STPG2: variants seen among roughly 807,000 people sequenced by gnomAD.
The protein encoded by STPG2 is sperm tail PG-rich repeat containing 2.
In STPG2, 56 loss-of-function variants were observed where a neutral mutation model predicts 54.2. The observed-to-expected ratio is 1.03, with a 90% confidence interval of 0.83 to 1.29. STPG2 has a LOEUF of 1.29. Ranked by LOEUF, STPG2 falls within the 50% of genes most tolerant of loss-of-function variation. The probability of loss-of-function intolerance (pLI) is 0.00; values close to 1 mark genes in which losing one functional copy is unlikely to be tolerated. For missense variants in STPG2, 596 were observed against 544.9 expected (o/e 1.09, Z -0.93); for synonymous variants, 200 against 181.8 (o/e 1.10, Z -0.81).
chr4:97,631,344 G>C (rs1296157667), intron 10 of STPG2, among the ~76,000 whole-genome samples: 1 of 151,966 alleles, frequency 6.6e-6, no homozygotes, highest in Non-Finnish European at 1.5e-5. Context: ...CAGACACTTA[G>C]AATCATTTAC....
At chr4:98,028,934 T>C (rs2149298239) in intron 5 of STPG2, among the ~76,000 whole-genome samples, 1 of 152,288 alleles carries the variant, frequency 6.6e-6, no homozygotes, top group East Asian at 1.9e-4. Flanking sequence ...CATAATTTCC[T>C]CTTTCACCTA....
chr4:97,704,237 A>T (rs1723875384), intron 10 of STPG2, among the ~76,000 whole-genome samples: 1 of 152,194 alleles, frequency 6.6e-6, no homozygotes, highest in African/African-American at 2.4e-5. Context: ...ACACCATGAA[A>T]GAGTTTATGA....
At chr4:98,045,507 T>C (rs1481521923) in intron 5 of STPG2, among the ~76,000 whole-genome samples, 1 of 152,146 alleles carries the variant, frequency 6.6e-6, no homozygotes, top group Non-Finnish European at 1.5e-5. Context: ...ACAATTCCCT[T>C]TGGCATTTCT....
intron 9 of STPG2, among the ~76,000 whole-genome samples, chr4:97,832,718 A>G (rs1728506129): frequency 6.6e-6 from 1 of 152,154 alleles, no homozygotes; most frequent in Admixed American, 6.6e-5. Context: ...TACACCAATA[A>G]CAGACAAACA....
chr4:98,067,872 T>A (rs967797155), intron 5 of STPG2, among the ~76,000 whole-genome samples: 1 of 152,156 alleles, frequency 6.6e-6, no homozygotes, highest in African/African-American at 2.4e-5. Flanking sequence ...TTCTTAAGTC[T>A]CTGTAGTAAG....
chr4:97,441,309 T>A (rs57888035), intron 4 of STPG2: 1 of 151,944 alleles, frequency 6.6e-6, no homozygotes, highest in African/African-American at 2.4e-5. Flanking sequence ...TAGTACACGC[T>A]TAGAAAGAAT....
intron 10 of STPG2, among the ~76,000 whole-genome samples, chr4:97,624,339 CAT>C (rs1266641683): frequency 6.6e-6 from 1 of 151,944 alleles, no homozygotes; most frequent in East Asian, 1.9e-4. Flanking sequence ...ATTCTGATCT[CAT>C]TGTGGTTTTT....
intron 9 of STPG2, among the ~76,000 whole-genome samples, chr4:97,796,771 A>T (rs1045414568): frequency 5.3e-5 from 8 of 152,162 alleles, no homozygotes; most frequent in African/African-American, 1.9e-4. Flanking sequence ...GATGGCATTA[A>T]ATCTGTAAAT....
intron 10 of STPG2, among the ~76,000 whole-genome samples, chr4:97,709,045 T>C (rs1472975897): frequency 6.6e-6 from 1 of 151,812 alleles, no homozygotes; most frequent in Non-Finnish European, 1.5e-5. Flanking sequence ...TTCATATTCA[T>C]GGGATGTTTA....
intron 9 of STPG2, among the ~76,000 whole-genome samples, chr4:97,800,010 C>T (rs543463882): frequency 1.3e-5 from 2 of 152,306 alleles, no homozygotes; most frequent in Non-Finnish European, 2.9e-5. Context: ...ACGTAGTTCT[C>T]GTGCCATGGT....
At chr4:97,750,167 C>A (rs941890492) in intron 9 of STPG2, among the ~76,000 whole-genome samples, 1 of 151,840 alleles carries the variant, frequency 6.6e-6, no homozygotes, top group African/African-American at 2.4e-5. Flanking sequence ...GGGATTTTTT[C>A]TGCCAACCTG....
At chr4:98,054,104 T>C (rs983243081) in intron 5 of STPG2, among the ~76,000 whole-genome samples, 1 of 142,148 alleles carries the variant, frequency 7.0e-6, no homozygotes, top group Non-Finnish European at 1.6e-5. Context: ...GAAAATATCA[T>C]AGTTCAGAAC....
intron 9 of STPG2, among the ~76,000 whole-genome samples, chr4:97,766,465 A>G (rs165243): frequency 0.16 from 24,659 of 152,036 alleles, 2,168 homozygotes; most frequent in East Asian, 0.36. Context: ...TGAGTACACA[A>G]AGATTTATGA....
At chr4:97,591,171 TATG>T (rs1733137043) in intron 10 of STPG2, among the ~76,000 whole-genome samples, 1 of 152,150 alleles carries the variant, frequency 6.6e-6, no homozygotes, top group South Asian at 2.1e-4. Flanking sequence ...CAAATAACTG[TATG>T]ATGATAAAGA....
chr4:97,658,414 G>A (rs563886237), intron 10 of STPG2, among the ~76,000 whole-genome samples: 4 of 152,242 alleles, frequency 2.6e-5, no homozygotes, highest in Non-Finnish European at 1.5e-5. Flanking sequence ...CAGAAAATAC[G>A]TCATACTTTG....
intron 4 of STPG2, among the ~76,000 whole-genome samples, chr4:97,444,814 G>T (rs530852245): frequency 1.3e-5 from 2 of 152,316 alleles, no homozygotes; most frequent in Non-Finnish European, 2.9e-5. Context: ...AGGATCATGA[G>T]GTCAGGAGAT....
At chr4:98,027,644 A>G (rs1736468055) in intron 5 of STPG2, among the ~76,000 whole-genome samples, 2 of 152,230 alleles carry the variant, frequency 1.3e-5, no homozygotes, top group South Asian at 2.1e-4. Context: ...AAATGGGAAG[A>G]AAAAAGAAAT....
intron 5 of STPG2, among the ~76,000 whole-genome samples, chr4:98,011,349 C>A (rs1258246702): frequency 1.3e-5 from 2 of 152,012 alleles, no homozygotes; most frequent in African/African-American, 4.8e-5. Flanking sequence ...TTTTTTTTAT[C>A]CAGTCTATAA....
At chr4:97,949,007 G>A (rs1733360228) in intron 7 of STPG2, among the ~76,000 whole-genome samples, 1 of 152,050 alleles carries the variant, frequency 6.6e-6, no homozygotes, top group Non-Finnish European at 1.5e-5. Context: ...TGTCAATGGG[G>A]TGTTGAAGTC....
Sources: allele counts gnomAD v4.1 joint callset (sites outside exome capture counted in the v4.1 genomes callset), GRCh38; gene constraint gnomAD v4.1.1; transcripts MANE v1.5; gene names NCBI Gene and HGNC (gene_info 2026-07-23, HGNC 2026-07-21).